Variants in KCNH5 observed in about 807,000 individuals in gnomAD.
KCNH5 encodes the protein potassium voltage-gated channel subfamily H member 5.
Under a neutral mutation model 96.1 loss-of-function variants are expected in KCNH5, and 46 were observed. That is an observed-to-expected ratio of 0.48 (90% CI 0.38 to 0.61). The LOEUF (loss-of-function observed/expected upper bound fraction) is 0.61. Ranked by LOEUF, KCNH5 falls within the 20% of genes least tolerant of loss-of-function variation. The pLI is 0.00. For missense variants in KCNH5, 907 were observed against 1,225.8 expected, an observed-to-expected ratio of 0.74 and a Z score of 3.88; for synonymous variants, 439 against 449.8, an observed-to-expected ratio of 0.98 and a Z score of 0.30.
At chr14:62,787,733 A>G (rs1886347411) in intron 9 of KCNH5, among the ~76,000 whole-genome samples, 1 of 152,244 alleles carries the variant, frequency 6.6e-6, no homozygotes, top group African/African-American at 2.4e-5. Context: ...TAGAATCTTA[A>G]GAATTATGCT....
intron 10 of KCNH5, among the ~76,000 whole-genome samples, chr14:62,758,534 G>T (rs562455336): frequency 6.6e-6 from 1 of 151,984 alleles, no homozygotes; most frequent in African/African-American, 2.4e-5. Context: ...ACTTCCCATG[G>T]GTATCAATTT....
intron 8 of KCNH5, among the ~76,000 whole-genome samples, chr14:62,833,441 T>G (rs1460934321): frequency 6.6e-6 from 1 of 152,122 alleles, no homozygotes; most frequent in African/African-American, 2.4e-5. Context: ...CAACGATTAG[T>G]TGACCGTATG....
intron 7 of KCNH5, among the ~76,000 whole-genome samples, chr14:62,916,602 A>T (rs1174375853): frequency 1.3e-5 from 2 of 152,192 alleles, no homozygotes; most frequent in Non-Finnish European, 2.9e-5. Flanking sequence ...ATGAGAAAAA[A>T]TGTCTTTTTC....
chr14:62,851,522 G>A (rs941233419), intron 7 of KCNH5, among the ~76,000 whole-genome samples: 16 of 130,180 alleles, frequency 1.2e-4, no homozygotes, highest in African/African-American at 3.5e-4. Flanking sequence ...AAAACCTAAA[G>A]GTAATCACAG....
At chr14:62,739,221 T>A (rs1885221502) in intron 10 of KCNH5, among the ~76,000 whole-genome samples, 1 of 152,188 alleles carries the variant, frequency 6.6e-6, no homozygotes, top group Non-Finnish European at 1.5e-5. Context: ...GCACTTCTTA[T>A]GAATTAAATC....
At chr14:62,828,533 G>A (rs1887271941) in intron 8 of KCNH5, among the ~76,000 whole-genome samples, 1 of 152,108 alleles carries the variant, frequency 6.6e-6, no homozygotes, top group Non-Finnish European at 1.5e-5. Flanking sequence ...TCTTCACATG[G>A]TGGCAGGCAA....
intron 5 of KCNH5, 36 bp from the exon 6 acceptor site, chr14:62,981,300 T>TCATG: frequency 6.3e-7 from 1 of 1,593,888 alleles, no homozygotes; most frequent in South Asian, 1.1e-5. Flanking sequence ...CATGACTAGG[T>TCATG]TATCTCTGCA....
intron 7 of KCNH5, among the ~76,000 whole-genome samples, chr14:62,862,125 A>G (rs12184955): frequency 0.087 from 13,179 of 152,228 alleles, 1,039 homozygotes; most frequent in African/African-American, 0.21. Context: ...ACAAATACAG[A>G]ATATAACTTA....
chr14:62,975,057 C>T (rs935231800), intron 6 of KCNH5, among the ~76,000 whole-genome samples: 18 of 152,144 alleles, frequency 1.2e-4, no homozygotes, highest in African/African-American at 3.6e-4. Context: ...TAGCTATACA[C>T]TCCTTTCCTT....
chr14:63,041,221 G>A (rs901158046), intron 1 of KCNH5, among the ~76,000 whole-genome samples: 1 of 152,036 alleles, frequency 6.6e-6, no homozygotes, highest in Admixed American at 6.6e-5. Flanking sequence ...TTTGTCTTTT[G>A]AATCTAAATT....
Position 63,016,933 on chromosome 14 carries a change from T to C in KCNH5, c.95A>G (p.Asn32Ser). The change falls in exon 2 of 11, where the codon AAT (asparagine) becomes AGT (serine). Residue 32 changes from asparagine to serine, a missense_variant. Asn to Ser is a conservative substitution (Grantham distance 46). Coordinates refer to ENST00000322893, the MANE Select transcript of KCNH5 (RefSeq NM_139318.5). ...TACAGGCCAATCCACAATCTGGGCA[T>C]TTCCCAGTAAGAAACTTGATTCTGA... ...RSSESSFLLG[N>S]AQIVDWPVVY... 1 of 1,605,762 alleles carries C rather than the reference T, an allele frequency of 6.2e-7. No individual in the cohort carries two copies. The highest frequency in any genetic ancestry group is 8.5e-7 in the Non-Finnish European group (1 of 1,176,328).
intron 6 of KCNH5, among the ~76,000 whole-genome samples, chr14:62,978,426 G>A (rs911569626): frequency 4.6e-4 from 70 of 152,064 alleles, no homozygotes; most frequent in African/African-American, 1.6e-3. Flanking sequence ...TCTTTGCAGC[G>A]TGATAAATGA....
At chr14:62,864,850 C>A (rs1329258779) in intron 7 of KCNH5, among the ~76,000 whole-genome samples, 1 of 152,062 alleles carries the variant, frequency 6.6e-6, no homozygotes, top group Non-Finnish European at 1.5e-5. Flanking sequence ...GAATATTTTG[C>A]AGATCACCAT....
In KCNH5 at chr14:62,702,300, A is replaced by G. The variant is rs1036621930; in HGVS notation, c.*5208T>C. ...CAAACTCTGTCATTGACTCTGACCT[A>G]TCAAGAAAAACCAAACATTTACATT... On this transcript the variant is annotated 3_prime_UTR_variant, in exon 11 of 11. Coordinates refer to ENST00000322893, the MANE Select transcript of KCNH5 (RefSeq NM_139318.5). 2 of 152,074 alleles carry G rather than the reference A, an allele frequency of 1.3e-5. No individual in the cohort carries two copies. The highest frequency in any genetic ancestry group is 4.8e-5 in the African/African-American group (2 of 41,458). 9.4% of individuals were successfully genotyped at this position (152,074 alleles called of 1,614,324 possible). A position where few individuals can be genotyped will look rare whatever the true frequency, so the allele number is the denominator to read the frequency against.
At chr14:62,770,035 T>C (rs916461494) in intron 10 of KCNH5, among the ~76,000 whole-genome samples, 2 of 152,204 alleles carry the variant, frequency 1.3e-5, no homozygotes, top group African/African-American at 2.4e-5. Context: ...GCATCAAGAA[T>C]TGATGGATTC....
chr14:62,827,990 C>T (rs1219236727), intron 8 of KCNH5, among the ~76,000 whole-genome samples: 1 of 152,008 alleles, frequency 6.6e-6, no homozygotes, highest in Non-Finnish European at 1.5e-5. Context: ...TTCATTTACT[C>T]CTCTATATTT....
intron 7 of KCNH5, among the ~76,000 whole-genome samples, chr14:62,878,314 T>C (rs1888424034): frequency 6.6e-6 from 1 of 151,494 alleles, no homozygotes; most frequent in Non-Finnish European, 1.5e-5. Context: ...AACCTGCACA[T>C]GGTGCACATG....
chr14:63,018,564 C>T (rs1891369774), intron 1 of KCNH5, among the ~76,000 whole-genome samples: 1 of 151,958 alleles, frequency 6.6e-6, no homozygotes. Flanking sequence ...TCAAGCCTTC[C>T]ATCTAAACAG....
At chr14:63,025,824 A>G (rs1007912629) in intron 1 of KCNH5, among the ~76,000 whole-genome samples, 6 of 151,346 alleles carry the variant, frequency 4.0e-5, no homozygotes, top group African/African-American at 1.5e-4. Context: ...AATTCCAACC[A>G]AAACCCCAAA....
Sources: allele counts gnomAD v4.1 joint callset (sites outside exome capture counted in the v4.1 genomes callset), GRCh38; gene constraint gnomAD v4.1.1; transcripts MANE v1.5; gene names NCBI Gene and HGNC (gene_info 2026-07-23, HGNC 2026-07-21).